ZFP82: variants seen among roughly 807,000 people sequenced by gnomAD.
ZFP82 encodes zinc finger protein 82 homolog.
ZFP82 carries 30 observed loss-of-function variants against 54.0 expected under a neutral mutation model. The ratio of observed to expected loss-of-function variants is 0.56; its 90% CI spans 0.42 to 0.75. ZFP82 has a LOEUF of 0.75. ZFP82 is among the 30% of genes least tolerant of loss of function. The probability of loss-of-function intolerance (pLI) is 0.00; values close to 1 mark genes in which losing one functional copy is unlikely to be tolerated. For missense variants in ZFP82, 500 were observed against 636.8 expected (o/e 0.79, Z 2.31); for synonymous variants, 194 against 209.5 (o/e 0.93, Z 0.64).
chr19:36,405,821 A>C (rs2032472770), intron 3 of ZFP82, 149 bp from the exon 4 acceptor site: 3 of 518,550 alleles, frequency 5.8e-6, no homozygotes, highest in South Asian at 4.0e-5. Context: ...ATTTACGTTA[A>C]GGTTACACAA....
Position 36,392,753 on chromosome 19 carries a change from A to C in ZFP82, c.1587T>G (p.Asn529Lys), listed in dbSNP as rs767358685. The change falls in exon 5 of 5, where the codon AAT (asparagine) becomes AAG (lysine). Residue 529 changes from asparagine to lysine, a missense_variant. Coordinates refer to ENST00000392161, the MANE Select transcript of ZFP82 (RefSeq NM_133466.4). ...SHLTHHLKIHNVKI is the reference protein window; with the variant it reads ...SHLTHHLKIHKVKI Reference sequence around the variant, plus strand: ...TGAAAAGACTTTCTTAGATTTTTACATTATGAATTTTCAGATGATGAGTAA... The same window carrying C: ...TGAAAAGACTTTCTTAGATTTTTACCTTATGAATTTTCAGATGATGAGTAA... 6.4e-7 allele frequency: 1 copy of C among 1,559,024 alleles called. No individual in the cohort carries two copies. Among genetic ancestry groups the C allele is most frequent in the Non-Finnish European group, 8.6e-7 (1 of 1,158,366 alleles).
rs558886372 is a variant in ZFP82 at position 36,389,608 on chromosome 19, C to T, written c.*3133G>A. ...ACACATATACCCATAATGCCATAGT[C>T]ATGCCTAACATATGAACAATAAATT... On this transcript the variant is annotated 3_prime_UTR_variant, in exon 5 of 5. Coordinates refer to ENST00000392161, the MANE Select transcript of ZFP82 (RefSeq NM_133466.4). Among the ~76,000 whole-genome samples the T allele has an allele frequency of 6.6e-5, 10 of 152,328 alleles. No homozygotes were observed. The East Asian group carries it at 1.9e-3, about 29-fold the overall frequency.
At chr19:36,394,167 A>G in intron 4 of ZFP82, 57 bp from the exon 5 acceptor site, 1 of 1,399,444 alleles carries the variant, frequency 7.1e-7, no homozygotes, top group Non-Finnish European at 9.8e-7. Flanking sequence ...AAGAAGCAAC[A>G]TTTCTAATGT....
chr19:36,399,492 T>G (rs575535524), intron 4 of ZFP82, among the ~76,000 whole-genome samples: 8 of 152,166 alleles, frequency 5.3e-5, no homozygotes, highest in Non-Finnish European at 8.8e-5. Flanking sequence ...GACAAGAGGT[T>G]AGGGTATCAG....
intron 1 of ZFP82, among the ~76,000 whole-genome samples, chr19:36,414,303 T>C (rs550894190): frequency 6.6e-6 from 1 of 152,262 alleles, no homozygotes; most frequent in East Asian, 1.9e-4. Flanking sequence ...TTTTGAGATT[T>C]TTCAGCATTG....
Position 36,393,574 on chromosome 19 carries a change from A to G in ZFP82, c.766T>C (p.Cys256Arg). 6.2e-7 allele frequency: 1 copy of G among 1,614,162 alleles called. No homozygotes were observed. Among genetic ancestry groups the G allele is most frequent in the Non-Finnish European group, 8.5e-7 (1 of 1,180,028 alleles). Residue 256 changes from cysteine (C) to arginine (R), a missense_variant, in exon 5 of 5, where the codon TGT (cysteine) becomes CGT (arginine). By Grantham distance (180) the Cys-to-Arg change is radical. Transcript: ENST00000392161. ...KMHIGEKPYE[C>R]KECGKAFRVR... ...CTAAAAGCCTTCCCACATTCTTTAC[A>G]TTCATAGGGCTTCTCACCAATATGC... is the stretch of plus-strand genomic sequence containing the variant.
chr19:36,387,150 T>C (rs1442408445), downstream of ZFP82, among the ~76,000 whole-genome samples: 1 of 152,232 alleles, frequency 6.6e-6, no homozygotes, highest in Non-Finnish European at 1.5e-5. Context: ...TCACAATAGC[T>C]GATCTAGATG....
intron 3 of ZFP82, among the ~76,000 whole-genome samples, chr19:36,407,362 C>T (rs1434337215): frequency 6.6e-6 from 1 of 152,108 alleles, no homozygotes; most frequent in Non-Finnish European, 1.5e-5. Flanking sequence ...AGGCGTGAGC[C>T]ACCGCGCCCG....
chr19:36,395,680 G>A (rs1459095112), intron 4 of ZFP82: 1 of 151,834 alleles, frequency 6.6e-6, no homozygotes, highest in East Asian at 1.9e-4. Flanking sequence ...ATTATGATAA[G>A]GTGGTCTCTA....
chr19:36,399,449 A>T (rs2032348514), intron 4 of ZFP82, among the ~76,000 whole-genome samples: 1 of 152,208 alleles, frequency 6.6e-6, no homozygotes, highest in Non-Finnish European at 1.5e-5. Flanking sequence ...GCCAGACAGC[A>T]ACTACTACTG....
intron 4 of ZFP82, chr19:36,394,788 G>C (rs750199227): frequency 2.6e-5 from 4 of 152,088 alleles, no homozygotes; most frequent in Admixed American, 6.5e-5. Flanking sequence ...CCTATTGATA[G>C]TACCTAAATC....
At position 36,390,707 on chromosome 19, in the gene ZFP82, T is replaced by G. The variant is rs2032182877; in HGVS notation, c.*2034A>C. On this transcript the variant is annotated 3_prime_UTR_variant, in exon 5 of 5. Coordinates refer to ENST00000392161, the MANE Select transcript of ZFP82 (RefSeq NM_133466.4). The stretch of plus-strand genomic sequence containing the variant: ...TGCTATCACCACGAAAATCCATGAT[T>G]TTGTAAAATTAAAGAGCGTAGTTTT... The G allele has an allele frequency of 6.6e-6, 1 of 152,196 alleles. No homozygotes were observed. The highest frequency in any genetic ancestry group is 1.5e-5 in the Non-Finnish European group (1 of 68,030). 9.4% of individuals were successfully genotyped at this position (152,196 alleles called of 1,614,324 possible). A position where few individuals can be genotyped will look rare whatever the true frequency, so the allele number is the denominator to read the frequency against.
chr19:36,408,299 G>A (rs1457864789), intron 2 of ZFP82, among the ~76,000 whole-genome samples: 2 of 152,148 alleles, frequency 1.3e-5, no homozygotes, highest in Non-Finnish European at 2.9e-5. Context: ...CCAATTAAAT[G>A]AAATACTGTA....
chr19:36,394,581 G>A (rs1180916776), intron 4 of ZFP82: 1 of 164,908 alleles, frequency 6.1e-6, no homozygotes, highest in Non-Finnish European at 1.3e-5. Context: ...TACATCATAT[G>A]ATCTCAAACC....
At position 36,392,154 on chromosome 19, in the gene ZFP82, T is replaced by C. The variant is rs1282152951; in HGVS notation, c.*587A>G. 1.3e-5 allele frequency: 2 copies of C among 152,572 alleles called. No individual in the cohort carries two copies. Among genetic ancestry groups the C allele is most frequent in the Admixed American group, 6.5e-5 (1 of 15,272 alleles). 9.5% of individuals were successfully genotyped at this position (152,572 alleles called of 1,614,324 possible). ...CAAATGTCTGGTATCTTGGTGGATGTCAAGAAGACAGGGTTCAGCAGGTGC... is the reference window on the plus strand; with the variant it reads ...CAAATGTCTGGTATCTTGGTGGATGCCAAGAAGACAGGGTTCAGCAGGTGC... On this transcript the variant is annotated 3_prime_UTR_variant, in exon 5 of 5. Transcript: ENST00000392161.
intron 4 of ZFP82, among the ~76,000 whole-genome samples, chr19:36,404,927 T>G (rs1018286866): frequency 1.3e-5 from 2 of 152,204 alleles, no homozygotes; most frequent in African/African-American, 4.8e-5. Flanking sequence ...CTCACATCTG[T>G]AATCTCAGCA....
At position 36,393,790 on chromosome 19, in the gene ZFP82, G is replaced by C. The variant is rs1568483606; in HGVS notation, c.550C>G (p.Gln184Glu). ...ECGKAFRVRQ[Q>E]LTFHHRIHTG... ...TGAATTCTGTGATGAAAAGTAAGCT[G>C]TTGGCGCACTCTGAACGCCTTCCCA... Residue 184 changes from glutamine (Q) to glutamate (E), a missense_variant, in exon 5 of 5, where the codon CAG becomes GAG. By Grantham distance (29) the Gln-to-Glu change is conservative. Transcript: ENST00000392161. 2 of 1,613,836 alleles carry C rather than the reference G, an allele frequency of 1.2e-6. No homozygotes were observed. The highest frequency in any genetic ancestry group is 8.5e-7 in the Non-Finnish European group (1 of 1,179,932).
At chr19:36,394,165 A>T (rs17206365) in intron 4 of ZFP82, 55 bp from the exon 5 acceptor site, 494,148 of 1,423,120 alleles carry the variant, frequency 0.35, 89,303 homozygotes, top group South Asian at 0.42. Flanking sequence ...AAAAGAAGCA[A>T]CATTTCTAAT....
intron 4 of ZFP82, 89 bp from the exon 5 acceptor site, chr19:36,394,199 T>A: frequency 8.2e-7 from 1 of 1,223,198 alleles, no homozygotes; most frequent in Non-Finnish European, 1.1e-6. Context: ...ACAACAAAAG[T>A]AATCCTTAAC....
Sources: gnomAD v4.1 joint callset for allele counts (sites outside exome capture counted in the v4.1 genomes callset) on GRCh38, gnomAD v4.1.1 for gene constraint, MANE v1.5 for transcripts, NCBI Gene and HGNC (gene_info 2026-07-23, HGNC 2026-07-21) for gene names.